The following GRID2 variants were observed in gnomAD, a reference collection of about 807,000 sequenced individuals.
GRID2 encodes the protein glutamate ionotropic receptor delta type subunit 2.
Under a neutral mutation model 114.8 loss-of-function variants are expected in GRID2, and 33 were observed. The ratio of observed to expected loss-of-function variants is 0.29; its 90% CI spans 0.22 to 0.38. The LOEUF (loss-of-function observed/expected upper bound fraction) is 0.38, where lower values mean the gene tolerates loss of function less well. GRID2 is among the 10% of genes least tolerant of loss of function. The probability of loss-of-function intolerance (pLI) is 1.00; values close to 1 mark genes in which losing one functional copy is unlikely to be tolerated. For missense variants in GRID2, 1,184 were observed against 1,257.7 expected, an observed-to-expected ratio of 0.94 and a Z score of 0.89; for synonymous variants, 505 against 449.9, an observed-to-expected ratio of 1.12 and a Z score of -1.55.
chr4:92,855,104 T>C (rs747777951), intron 2 of GRID2, among the ~76,000 whole-genome samples: 16 of 152,086 alleles, frequency 1.1e-4, no homozygotes, highest in Non-Finnish European at 2.2e-4. Context: ...GAATTAATTG[T>C]AAGCCTTTTG....
At chr4:92,405,789 T>G (rs915681709) in intron 1 of GRID2, among the ~76,000 whole-genome samples, 3 of 152,082 alleles carry the variant, frequency 2.0e-5, no homozygotes, top group African/African-American at 7.2e-5. Context: ...TATCATCACT[T>G]CAAAGTATTT....
At chr4:92,860,992 A>G (rs942777421) in intron 2 of GRID2, among the ~76,000 whole-genome samples, 3 of 152,098 alleles carry the variant, frequency 2.0e-5, no homozygotes, top group African/African-American at 4.8e-5. Context: ...AAGTTTAAAT[A>G]AAGTTATAAA....
chr4:93,542,328 C>A (rs1732732594), intron 13 of GRID2, among the ~76,000 whole-genome samples: 1 of 151,982 alleles, frequency 6.6e-6, no homozygotes, highest in Non-Finnish European at 1.5e-5. Context: ...GAACTGAGCC[C>A]CAGAAAAAAG....
chr4:93,085,626 C>T (rs1730269903), intron 3 of GRID2, among the ~76,000 whole-genome samples: 1 of 152,000 alleles, frequency 6.6e-6, no homozygotes, highest in Non-Finnish European at 1.5e-5. Context: ...AAAATGTATA[C>T]CTCTCTATAA....
At chr4:93,394,946 A>G (rs1765191277) in intron 8 of GRID2, among the ~76,000 whole-genome samples, 3 of 152,004 alleles carry the variant, frequency 2.0e-5, no homozygotes, top group African/African-American at 4.8e-5. Context: ...ATTCCAAGAG[A>G]TAAGACCTAT....
intron 8 of GRID2, among the ~76,000 whole-genome samples, chr4:93,243,900 G>A (rs1043013744): frequency 4.0e-5 from 6 of 151,764 alleles, no homozygotes; most frequent in Non-Finnish European, 8.8e-5. Context: ...TTTTGAAATC[G>A]CTAAGGTTTT....
At chr4:92,921,042 C>T (rs1009660221) in intron 2 of GRID2, among the ~76,000 whole-genome samples, 3 of 152,226 alleles carry the variant, frequency 2.0e-5, no homozygotes, top group East Asian at 1.9e-4. Context: ...AGGCTTTGTT[C>T]ATTTCTTTTT....
intron 9 of GRID2, among the ~76,000 whole-genome samples, chr4:93,396,834 A>G (rs1201530012): frequency 6.6e-6 from 1 of 152,044 alleles, no homozygotes; most frequent in Admixed American, 6.6e-5. Flanking sequence ...ATAGCCATAA[A>G]CCACGAAGGC....
chr4:93,326,972 C>T (rs1435987426), intron 8 of GRID2, among the ~76,000 whole-genome samples: 1 of 152,238 alleles, frequency 6.6e-6, no homozygotes, highest in Non-Finnish European at 1.5e-5. Flanking sequence ...GTCTTAAGGA[C>T]ATTTTTTTCT....
At chr4:92,771,908 C>A (rs1560583113) in intron 2 of GRID2, among the ~76,000 whole-genome samples, 1 of 152,190 alleles carries the variant, frequency 6.6e-6, no homozygotes, top group Non-Finnish European at 1.5e-5. Context: ...CATGTATGCT[C>A]CAAAAACCAC....
At chr4:93,679,424 A>C (rs1325543643) in intron 14 of GRID2, among the ~76,000 whole-genome samples, 4 of 150,838 alleles carry the variant, frequency 2.7e-5, no homozygotes, top group Non-Finnish European at 4.4e-5. Context: ...TGCACCAAGC[A>C]GACCTAATAG....
chr4:93,798,979 T>C (rs1278391304), intron 1 of GRID2, among the ~76,000 whole-genome samples: 1 of 152,198 alleles, frequency 6.6e-6, no homozygotes, highest in Non-Finnish European at 1.5e-5. Context: ...GTAGGCAATA[T>C]GGCAGAGTGG....
At chr4:92,318,887 A>T (rs1180993507) in intron 1 of GRID2, among the ~76,000 whole-genome samples, 1 of 152,120 alleles carries the variant, frequency 6.6e-6, no homozygotes, top group East Asian at 1.9e-4. Context: ...TTAGAACAGC[A>T]TCTTTGAATC....
At position 92,341,818 on chromosome 4, in the gene GRID2, G is replaced by A. The variant is rs571292675; in HGVS notation, c.88+37074G>A. Among the ~76,000 whole-genome samples, 113 of 151,966 alleles carry A rather than the reference G, an allele frequency of 7.4e-4. 1 individual carries two copies. Among genetic ancestry groups the A allele is most frequent in the African/African-American group, 2.6e-3 (108 of 41,418 alleles). ...TAGTCCCAGCTTCTTCGGAGGCTGAGGCGGGAGAATGGCATGAACTCGGGA... is the reference window on the plus strand; with the variant it reads ...TAGTCCCAGCTTCTTCGGAGGCTGAAGCGGGAGAATGGCATGAACTCGGGA... On this transcript the variant is annotated intron_variant, in intron 1 of 15. Coordinates refer to ENST00000282020, the MANE Select transcript of GRID2 (RefSeq NM_001510.4).
chr4:93,236,862 G>C (rs756912070), intron 7 of GRID2, among the ~76,000 whole-genome samples: 3 of 152,000 alleles, frequency 2.0e-5, no homozygotes, highest in Non-Finnish European at 4.4e-5. Context: ...AACAAAACAA[G>C]ATTATGCCAA....
intron 1 of GRID2, among the ~76,000 whole-genome samples, chr4:92,383,783 T>C (rs1377408889): frequency 6.6e-6 from 1 of 151,992 alleles, no homozygotes; most frequent in Admixed American, 6.6e-5. Context: ...TATTCAATAG[T>C]CAACAGTCAG....
At chr4:93,159,279 A>G (rs931040833) in intron 4 of GRID2, among the ~76,000 whole-genome samples, 2 of 151,866 alleles carry the variant, frequency 1.3e-5, no homozygotes, top group African/African-American at 4.8e-5. Context: ...ATCTGAGCCC[A>G]TAACTTTACT....
intron 2 of GRID2, among the ~76,000 whole-genome samples, chr4:92,607,339 T>G (rs1186572186): frequency 2.0e-5 from 3 of 152,008 alleles, no homozygotes; most frequent in Non-Finnish European, 4.4e-5. Flanking sequence ...TTAAGGAAGT[T>G]GATGAATCAG....
chr4:93,319,085 A>ATTGG (rs2149205125), intron 8 of GRID2, among the ~76,000 whole-genome samples: 1 of 152,148 alleles, frequency 6.6e-6, no homozygotes, highest in South Asian at 2.1e-4. Flanking sequence ...GATGCTAATC[A>ATTGG]TTGGTTCTTG....
Sources: allele counts gnomAD v4.1 joint callset (sites outside exome capture counted in the v4.1 genomes callset), GRCh38; gene constraint gnomAD v4.1.1; transcripts MANE v1.5; gene names NCBI Gene and HGNC (gene_info 2026-07-23, HGNC 2026-07-21).